GABRG3: variants seen among roughly 807,000 people sequenced by gnomAD.
GABRG3 encodes gamma-aminobutyric acid receptor subunit gamma-3.
Under a neutral mutation model 48.8 loss-of-function variants are expected in GABRG3, and 25 were observed. The ratio of observed to expected loss-of-function variants is 0.51; its 90% confidence interval spans 0.37 to 0.72. The LOEUF (loss-of-function observed/expected upper bound fraction) is 0.72. Among genes scored for constraint, GABRG3 ranks in the 30% least tolerant of loss-of-function variants. GABRG3 has a pLI of 0.00. For missense variants in GABRG3, 394 were observed against 577.9 expected, an observed-to-expected ratio of 0.68 and a Z score of 3.26; for synonymous variants, 227 against 217.6, an observed-to-expected ratio of 1.04 and a Z score of -0.38.
intron 3 of GABRG3, among the ~76,000 whole-genome samples, chr15:27,214,694 A>ATT (rs58631276): frequency 1.9e-4 from 28 of 145,864 alleles, no homozygotes; most frequent in Non-Finnish European, 2.9e-4. Context: ...TCACATCCAC[A>ATT]TTTTTTTTTT....
chr15:27,136,987 A>G (rs1192042113), intron 3 of GABRG3, among the ~76,000 whole-genome samples: 1 of 152,108 alleles, frequency 6.6e-6, no homozygotes, highest in Non-Finnish European at 1.5e-5. Flanking sequence ...ACCAGGATGG[A>G]TGAGATGCTT....
intron 3 of GABRG3, among the ~76,000 whole-genome samples, chr15:27,089,866 C>G (rs555774178): frequency 5.3e-5 from 8 of 152,240 alleles, no homozygotes; most frequent in Non-Finnish European, 8.8e-5. Flanking sequence ...TGCTGCACCC[C>G]GTGTCAGTAC....
At chr15:27,049,522 T>C (rs1398100827) in intron 3 of GABRG3, among the ~76,000 whole-genome samples, 1 of 152,132 alleles carries the variant, frequency 6.6e-6, no homozygotes, top group Non-Finnish European at 1.5e-5. Flanking sequence ...ACCATAGAAA[T>C]GAAAGCCACA....
At chr15:27,047,036 T>C (rs1405795816) in intron 3 of GABRG3, among the ~76,000 whole-genome samples, 1 of 152,232 alleles carries the variant, frequency 6.6e-6, no homozygotes, top group East Asian at 1.9e-4. Flanking sequence ...ATGTCTGCAG[T>C]GGGACCATAT....
intron 3 of GABRG3, among the ~76,000 whole-genome samples, chr15:27,058,677 A>G (rs1337100536): frequency 1.3e-5 from 2 of 151,872 alleles, no homozygotes; most frequent in Non-Finnish European, 2.9e-5. Flanking sequence ...AGGAGCCACC[A>G]TCTTTAAACA....
At position 27,097,002 on chromosome 15, in the gene GABRG3, G is replaced by A. The variant is rs368307476; in HGVS notation, c.270+70181G>A. 2.9e-4 allele frequency among the ~76,000 whole-genome samples: 38 copies of A among 129,792 alleles called. No individual in the cohort carries two copies. In the East Asian group the frequency reaches 4.1e-3, roughly 14 times the overall value. The allele number at this position is 129,792 out of a possible 152,430, so 85.1% of individuals were successfully genotyped here. ...ATTAAAGGAACATGCCACCATACCC[G>A]GCTATTTTTTTTTTTTTTTTTGTAT... is the stretch of plus-strand genomic sequence containing the variant. On this transcript the variant is annotated intron_variant, in intron 3 of 9. Coordinates refer to ENST00000615808, the MANE Select transcript of GABRG3 (RefSeq NM_033223.5).
intron 3 of GABRG3, among the ~76,000 whole-genome samples, chr15:27,306,497 A>G (rs2140497669): frequency 7.1e-6 from 1 of 139,866 alleles, no homozygotes; most frequent in African/African-American, 2.6e-5. Context: ...TATAATATAA[A>G]CATATGTCTA....
chr15:27,156,787 G>C (rs112443227), intron 3 of GABRG3, among the ~76,000 whole-genome samples: 5,391 of 152,232 alleles, frequency 0.035, 338 homozygotes, highest in African/African-American at 0.12. Context: ...TCAGAGTTTT[G>C]TTCAGCAATA....
chr15:27,497,542 GAATGCCTAAA>G (rs1401060038), intron 6 of GABRG3, among the ~76,000 whole-genome samples: 2 of 152,148 alleles, frequency 1.3e-5, no homozygotes, highest in Admixed American at 6.5e-5. Context: ...TTATTTTACT[GAATGCCTAAA>G]TTTCTTTATT....
chr15:27,047,176 A>G (rs909335808), intron 3 of GABRG3, among the ~76,000 whole-genome samples: 1 of 152,222 alleles, frequency 6.6e-6, no homozygotes, highest in Non-Finnish European at 1.5e-5. Context: ...GTTCTGAAGG[A>G]ACATTCTGGC....
rs142601132 is a variant in GABRG3 at position 27,082,730 on chromosome 15, G to A, written c.270+55909G>A. ...ATGAACAGTAGGATAAGAAATGACT[G>A]CCAGGAACCACAGATGCCTTTTAAA... On this transcript the variant is annotated intron_variant, in intron 3 of 9. Transcript: ENST00000615808. Among the ~76,000 whole-genome samples the A allele has an allele frequency of 2.6e-3, 402 of 152,328 alleles. 1 individual carries two copies. The highest frequency in any genetic ancestry group is 8.8e-3 in the African/African-American group (365 of 41,582).
chr15:26,996,720 G>A lies in GABRG3; in HGVS notation c.202+19570G>A, dbSNP rs547038400. Among the ~76,000 whole-genome samples the A allele has an allele frequency of 8.6e-5, 13 of 151,906 alleles. No homozygotes were observed. In the South Asian group the frequency reaches 1.3e-3, roughly 15 times the overall value. ...GCTGGAGTGCAGTGGCTCAATCTCC[G>A]CTCACTGCAAGCTCCGCCTCCTGGG... is the stretch of plus-strand genomic sequence containing the variant. On this transcript the variant is annotated intron_variant, in intron 2 of 9. Coordinates refer to ENST00000615808, the MANE Select transcript of GABRG3 (RefSeq NM_033223.5).
chr15:27,000,073 A>G (rs1318959497), intron 2 of GABRG3, among the ~76,000 whole-genome samples: 2 of 152,078 alleles, frequency 1.3e-5, no homozygotes, highest in East Asian at 3.8e-4. Flanking sequence ...TAATTCTAAT[A>G]TTTGCTTCAT....
chr15:27,477,482 A>G (rs1439460652), intron 5 of GABRG3, among the ~76,000 whole-genome samples: 1 of 152,186 alleles, frequency 6.6e-6, no homozygotes, highest in African/African-American at 2.4e-5. Flanking sequence ...ACTCTGTACA[A>G]TACTGCAGTG....
chr15:27,008,953 G>A (rs1277801249), intron 2 of GABRG3, among the ~76,000 whole-genome samples: 1 of 152,130 alleles, frequency 6.6e-6, no homozygotes, highest in Non-Finnish European at 1.5e-5. Flanking sequence ...CATGGATGAG[G>A]AATGTTTCCA....
At position 27,306,956 on chromosome 15, in the gene GABRG3, CAT is replaced by C. The variant is rs1256704870; in HGVS notation, c.271-19852_271-19851del. 5.6e-4 allele frequency among the ~76,000 whole-genome samples: 68 copies of C among 120,436 alleles called. 5 individuals are homozygous for C. Among genetic ancestry groups the C allele is most frequent in the African/African-American group, 2.1e-3 (65 of 30,248 alleles). 79.0% of individuals were successfully genotyped at this position (120,436 alleles called of 152,430 possible). On this transcript the variant is annotated intron_variant, in intron 3 of 9. Transcript: ENST00000615808. ...TATATATAAACATATATAATATAAACATGTTTATATATAAACATATATAATAT... is the reference window on the plus strand; with the variant it reads ...TATATATAAACATATATAATATAAACGTTTATATATAAACATATATAATAT...
chr15:27,402,497 A>C (rs1488119928), intron 5 of GABRG3, among the ~76,000 whole-genome samples: 3 of 152,234 alleles, frequency 2.0e-5, no homozygotes, highest in Non-Finnish European at 2.9e-5. Flanking sequence ...CCAAGGGGTC[A>C]GCCTGGCAAA....
chr15:27,032,085 C>T (rs1456051310), intron 3 of GABRG3, among the ~76,000 whole-genome samples: 3 of 152,116 alleles, frequency 2.0e-5, no homozygotes, highest in African/African-American at 4.8e-5. Flanking sequence ...TATGCTTGTG[C>T]TGTTTTTTAT....
In GABRG3 at chr15:27,508,398, C is replaced by T. The variant is rs534110810; in HGVS notation, c.713-11574C>T. ...TATATGTAGTATAAAAACCTTTTAA[C>T]AGTATATTCCCTATTACTTTCTTCC... On this transcript the variant is annotated intron_variant, in intron 6 of 9. Coordinates refer to ENST00000615808, the MANE Select transcript of GABRG3 (RefSeq NM_033223.5). Among the ~76,000 whole-genome samples the T allele has an allele frequency of 3.3e-5, 5 of 152,210 alleles. No individual in the cohort carries two copies. In the East Asian group the frequency reaches 9.7e-4, roughly 29 times the overall value.
Sources: gnomAD v4.1 joint callset for allele counts (sites outside exome capture counted in the v4.1 genomes callset) on GRCh38, gnomAD v4.1.1 for gene constraint, MANE v1.5 for transcripts, NCBI Gene and HGNC (gene_info 2026-07-23, HGNC 2026-07-21) for gene names.